ESYT1: variants seen among roughly 807,000 people sequenced by gnomAD.
The protein encoded by ESYT1 is extended synaptotagmin-1.
A neutral mutation model predicts 154.2 loss-of-function variants in ESYT1; 116 were observed. The ratio of observed to expected loss-of-function variants is 0.75; its 90% CI spans 0.65 to 0.88. The LOEUF (loss-of-function observed/expected upper bound fraction) is 0.88, where lower values mean the gene tolerates loss of function less well. Ranked by LOEUF, ESYT1 falls within the 40% of genes least tolerant of loss-of-function variation. The probability of loss-of-function intolerance (pLI) is 0.00; values close to 1 mark genes in which losing one functional copy is unlikely to be tolerated. For synonymous variants in ESYT1, 500 were observed against 539.9 expected (o/e 0.93, Z 1.02); for missense variants, 1,264 against 1,379.3 (o/e 0.92, Z 1.32).
chr12:56,142,962 A>G lies in ESYT1; in HGVS notation c.2987+29A>G. ...AGACCCCATCCCTCCTGTCCTCCAGATCGCCTCCATCCCTTCCCTCAGGTT... is the reference window on the plus strand; with the variant it reads ...AGACCCCATCCCTCCTGTCCTCCAGGTCGCCTCCATCCCTTCCCTCAGGTT... On this transcript the variant is annotated intron_variant, in intron 27 of 30. Transcript: ENST00000394048. This position sits in a 1 kb window ranked among gnomAD's most constrained non-coding sequence, Gnocchi z 4.1. 1.2e-6 allele frequency: 2 copies of G among 1,614,076 alleles called. No individual in the cohort carries two copies. Among genetic ancestry groups the G allele is most frequent in the Non-Finnish European group, 1.7e-6 (2 of 1,180,018 alleles).
In ESYT1 at chr12:56,140,435, A is replaced by G. The variant is rs936331024; in HGVS notation, c.2592+1422A>G. Among the ~76,000 whole-genome samples, 5 of 152,104 alleles carry G rather than the reference A, an allele frequency of 3.3e-5. No homozygotes were observed. In the East Asian group the frequency reaches 5.8e-4, roughly 18 times the overall value. ...GGCTGGAGTACAGTGATACGATCTC[A>G]GCTCACTGCAACCTCCCTCCTGGGT... On this transcript the variant is annotated intron_variant, in intron 24 of 30. Coordinates refer to ENST00000394048, the MANE Select transcript of ESYT1 (RefSeq NM_015292.3).
At position 56,137,466 on chromosome 12, in the gene ESYT1, T is replaced by C. The variant is rs761512003; in HGVS notation, c.1939-33T>C. The stretch of plus-strand genomic sequence containing the variant: ...CAGATTCTGACAGGTCTCTCTCCCT[T>C]TGCCATCTGGCACCCCCCCGTCCCT... On this transcript the variant is annotated intron_variant, in intron 17 of 30. Transcript: ENST00000394048. The C allele has an allele frequency of 2.5e-6, 4 of 1,608,846 alleles. No homozygotes were observed. In the East Asian group the frequency reaches 8.9e-5, roughly 36 times the overall value.
intron 1 of ESYT1, 183 bp from the exon 2 acceptor site, chr12:56,130,399 A>G: frequency 1.5e-6 from 1 of 682,462 alleles, no homozygotes; most frequent in Non-Finnish European, 2.6e-6. Context: ...CCCTTATTAG[A>G]GAGACATCAG....
At chr12:56,139,258 G>A (rs1280429107) in intron 24 of ESYT1, among the ~76,000 whole-genome samples, 1 of 151,806 alleles carries the variant, frequency 6.6e-6, no homozygotes, top group Non-Finnish European at 1.5e-5. Flanking sequence ...ACAGGTGCCC[G>A]CCACCACACC....
At chr12:56,134,772 T>C (rs1288431114) in intron 15 of ESYT1, among the ~76,000 whole-genome samples, 2 of 152,008 alleles carry the variant, frequency 1.3e-5, no homozygotes, top group African/African-American at 2.4e-5. Context: ...CTAATTTTTG[T>C]ATTTTTAGTA....
chr12:56,143,086 C>T lies in ESYT1; in HGVS notation c.3057C>T (p.Asn1019=). 6.2e-7 allele frequency: 1 copy of T among 1,614,196 alleles called. No homozygotes were observed. The highest frequency in any genetic ancestry group is 1.1e-5 in the South Asian group (1 of 91,086). ...CACTGTTGCTACTGCCAGACAAGAA[C>T]CGAGGCACCAAGAGGAGGACCTCAC... The part of the protein sequence containing the change: ...YVSLLLLPDK[N]RGTKRRTSQK... The change falls in exon 28 of 31, where the codon AAC becomes AAT. Residue 1019 remains asparagine, a synonymous_variant. Coordinates refer to ENST00000394048, the MANE Select transcript of ESYT1 (RefSeq NM_015292.3).
rs1019898250 is a variant in ESYT1, at chr12:56,137,282, A to T, written c.1847A>T (p.Asp616Val). ...PTVPGCPGAWDVDSENPQRGS... is the reference protein window; with the variant it reads ...PTVPGCPGAWVVDSENPQRGS... The stretch of plus-strand genomic sequence containing the variant: ...GTGCCTGGTTGTCCTGGTGCTTGGG[A>T]CGTGGACAGTGAGAATCCCCAGAGA... Residue 616 changes from aspartate to valine, a missense_variant, in exon 17 of 31, where the codon GAC (aspartate) becomes GTC (valine). Transcript: ENST00000394048. The T allele has an allele frequency of 3.7e-6, 6 of 1,614,020 alleles. No individual in the cohort carries two copies. Among genetic ancestry groups the T allele is most frequent in the Non-Finnish European group, 5.1e-6 (6 of 1,180,046 alleles).
chr12:56,142,221 A>G lies in ESYT1; in HGVS notation c.2593-64A>G. The G allele has an allele frequency of 1.3e-6, 2 of 1,584,908 alleles. No homozygotes were observed. The highest frequency in any genetic ancestry group is 2.3e-5 in the South Asian group (2 of 87,690). On this transcript the variant is annotated intron_variant, in intron 24 of 30. Transcript: ENST00000394048. This position sits in a 1 kb window ranked among gnomAD's most constrained non-coding sequence, Gnocchi z 4.1. ...TGAGTCCAAGCGTTTGGACCTTTAA[A>G]ACACCAGGATTAACTCATTTGTTGA...
intron 15 of ESYT1, among the ~76,000 whole-genome samples, chr12:56,135,657 C>T (rs993779443): frequency 1.5e-4 from 23 of 150,902 alleles, no homozygotes; most frequent in Non-Finnish European, 2.8e-4. Context: ...TTTGGGAGGC[C>T]AAGGCAGGTG....
chr12:56,138,311 G>GGGGCAGGATGAGCTCTTCTCTT (rs1263239450), intron 21 of ESYT1, 39 bp downstream of exon 21: 1 of 1,612,782 alleles, frequency 6.2e-7, no homozygotes, highest in Non-Finnish European at 8.5e-7. Context: ...GACCCAAGGT[G>GGGGCAGGATGAGCTCTTCTCTT]GGGCAGGATG....
intron 29 of ESYT1, 99 bp downstream of exon 29, chr12:56,143,432 A>G: frequency 6.7e-7 from 1 of 1,489,264 alleles, no homozygotes; most frequent in Non-Finnish European, 9.3e-7. Context: ...GTGATCCTTT[A>G]GAGGTGACTC....
intron 24 of ESYT1, among the ~76,000 whole-genome samples, chr12:56,140,427 A>G (rs949227780): frequency 2.0e-5 from 3 of 152,096 alleles, no homozygotes; most frequent in Non-Finnish European, 2.9e-5. Flanking sequence ...GTACAGTGAT[A>G]CGATCTCAGC....
Position 56,133,413 on chromosome 12 carries a change from T to C in ESYT1, c.1245-4T>C, listed in dbSNP as rs2136872706. 1 of 1,614,102 alleles carries C rather than the reference T, an allele frequency of 6.2e-7. No individual in the cohort carries two copies. Among genetic ancestry groups the C allele is most frequent in the Non-Finnish European group, 8.5e-7 (1 of 1,180,008 alleles). On this transcript the variant is annotated splice_polypyrimidine_tract_variant and splice_region_variant and intron_variant, in intron 10 of 30. Coordinates refer to ENST00000394048, the MANE Select transcript of ESYT1 (RefSeq NM_015292.3). ...TCACTACCCTCTCCCCCGCCAACCC[T>C]CAGAATGAAGCTGGATGTAGGGAAG...
At chr12:56,132,664 G>C in intron 9 of ESYT1, 55 bp from the exon 10 acceptor site, 1 of 1,613,612 alleles carries the variant, frequency 6.2e-7, no homozygotes, top group Non-Finnish European at 8.5e-7. Context: ...GATGCTGATT[G>C]GATGATCCTC....
intron 15 of ESYT1, among the ~76,000 whole-genome samples, chr12:56,135,819 G>A (rs376079876): frequency 2.6e-5 from 4 of 151,798 alleles, no homozygotes; most frequent in South Asian, 4.2e-4. Flanking sequence ...AGTCCGGGAG[G>A]CGGAGGTTGC....
At chr12:56,141,536 C>A (rs576450970) in intron 24 of ESYT1, among the ~76,000 whole-genome samples, 13 of 152,036 alleles carry the variant, frequency 8.6e-5, no homozygotes, top group Non-Finnish European at 1.8e-4. Context: ...GTCAGGAGAT[C>A]GAGACCATCC....
chr12:56,143,442 C>A, intron 29 of ESYT1, 109 bp downstream of exon 29: 1 of 1,484,060 alleles, frequency 6.7e-7, no homozygotes, highest in Non-Finnish European at 9.4e-7. Context: ...AGAGGTGACT[C>A]ACCTCTGCAA....
In ESYT1 at chr12:56,137,830, A is replaced by G; in HGVS notation, c.2116-2A>G. On this transcript the variant is annotated splice_acceptor_variant, in intron 18 of 30. Coordinates refer to ENST00000394048, the MANE Select transcript of ESYT1 (RefSeq NM_015292.3). LOFTEE classifies it high-confidence loss of function. ...TTCATCTGCACTATTTTCTCCCACT[A>G]GGTGATCGTCACATCAGTTCCAGGC... 3 of 1,614,124 alleles carry G rather than the reference A, an allele frequency of 1.9e-6. No homozygotes were observed. The highest frequency in any genetic ancestry group is 2.5e-6 in the Non-Finnish European group (3 of 1,179,974).
rs762890799 is a variant in ESYT1 at position 56,142,703 on chromosome 12, G to A, written c.2859G>A (p.Glu953=). The change falls in exon 26 of 31, where the codon GAG becomes GAA. Residue 953 remains glutamate, a synonymous_variant. Coordinates refer to ENST00000394048, the MANE Select transcript of ESYT1 (RefSeq NM_015292.3). The surrounding 1 kb of genome is among the most constrained non-coding windows in gnomAD (Gnocchi z 4.1). ...CTCACATCACCTCCTCAGCCCCAGA[G>A]CTCCGGCAGCGCCTAACACATGTTG... is the stretch of plus-strand genomic sequence containing the variant. ...GPPHITSSAP[E]LRQRLTHVDS... 6.2e-7 allele frequency: 1 copy of A among 1,613,988 alleles called. No homozygotes were observed. Among genetic ancestry groups the A allele is most frequent in the Non-Finnish European group, 8.5e-7 (1 of 1,180,040 alleles).
Sources: gnomAD v4.1 joint callset for allele counts (sites outside exome capture counted in the v4.1 genomes callset) on GRCh38, gnomAD v4.1.1 for gene constraint, Gnocchi (gnomAD v3.1) non-coding constraint, MANE v1.5 for transcripts, NCBI Gene and HGNC (gene_info 2026-07-23, HGNC 2026-07-21) for gene names.